Variants in DPP6 observed in about 807,000 individuals in gnomAD.
DPP6 encodes dipeptidyl peptidase like 6.
Under a neutral mutation model 122.6 loss-of-function variants are expected in DPP6, and 69 were observed. The ratio of observed to expected loss-of-function variants is 0.56; its 90% CI spans 0.46 to 0.69. The LOEUF is 0.69. Among genes scored for constraint, DPP6 ranks in the 30% least tolerant of loss-of-function variants. The probability of loss-of-function intolerance (pLI) is 0.00; values close to 1 mark genes in which losing one functional copy is unlikely to be tolerated. For missense variants in DPP6, 928 were observed against 1,116.9 expected (o/e 0.83, Z 2.41); for synonymous variants, 418 against 433.1 (o/e 0.97, Z 0.43).
chr7:154,146,259 CTT>C (rs1408245164), intron 1 of DPP6, among the ~76,000 whole-genome samples: 1 of 102,446 alleles, frequency 9.8e-6, no homozygotes, highest in Admixed American at 9.8e-5. Context: ...GTTCTCCTGA[CTT>C]TGTGTCTCTG....
intron 1 of DPP6, among the ~76,000 whole-genome samples, chr7:154,375,110 G>A (rs1010493669): frequency 2.0e-5 from 3 of 152,030 alleles, no homozygotes; most frequent in Non-Finnish European, 4.4e-5. Flanking sequence ...CGTGAGTCCC[G>A]GGGAAGAGAG....
intron 8 of DPP6, among the ~76,000 whole-genome samples, chr7:154,763,708 C>A (rs1025400081): frequency 1.3e-5 from 2 of 152,198 alleles, no homozygotes; most frequent in African/African-American, 2.4e-5. Flanking sequence ...AGAGAAACAG[C>A]AGCAAGTTCA....
intron 3 of DPP6, among the ~76,000 whole-genome samples, chr7:154,520,507 A>G (rs540967888): frequency 6.6e-5 from 10 of 152,370 alleles, no homozygotes; most frequent in Non-Finnish European, 1.3e-4. Context: ...TTTTGGACCA[A>G]GCTCTTTCCA....
chr7:154,490,126 G>C (rs1404096888), intron 3 of DPP6, among the ~76,000 whole-genome samples: 1 of 152,246 alleles, frequency 6.6e-6, no homozygotes, highest in African/African-American at 2.4e-5. Flanking sequence ...ATAGGTGACA[G>C]AGCTAGTCTT....
chr7:154,286,217 A>G (rs560228388), intron 1 of DPP6, among the ~76,000 whole-genome samples: 1 of 152,190 alleles, frequency 6.6e-6, no homozygotes, highest in African/African-American at 2.4e-5. Context: ...TCCAGAGCTG[A>G]GGAAAAGAAA....
At chr7:154,831,858 G>A (rs1800656196) in intron 16 of DPP6, among the ~76,000 whole-genome samples, 1 of 152,176 alleles carries the variant, frequency 6.6e-6, no homozygotes, top group African/African-American at 2.4e-5. Flanking sequence ...GTCAGTTAGA[G>A]CACCAGTAGG....
At chr7:154,700,193 G>A (rs982749474) in intron 7 of DPP6, among the ~76,000 whole-genome samples, 1 of 152,190 alleles carries the variant, frequency 6.6e-6, no homozygotes, top group Non-Finnish European at 1.5e-5. Flanking sequence ...AACAAAGAGT[G>A]GTTACTATTT....
chr7:153,945,165 CTG>C (rs771563293), intron 1 of DPP6, among the ~76,000 whole-genome samples: 2 of 152,176 alleles, frequency 1.3e-5, no homozygotes, highest in Non-Finnish European at 2.9e-5. Context: ...AACTGCTGCT[CTG>C]TGTGTTCTTT....
At chr7:154,748,745 G>A (rs114700776) in intron 8 of DPP6, among the ~76,000 whole-genome samples, 1 of 152,214 alleles carries the variant, frequency 6.6e-6, no homozygotes, top group African/African-American at 2.4e-5. Flanking sequence ...TTTTGCTCAC[G>A]GTGTCCAGCA....
chr7:154,102,519 T>C (rs966333897), intron 1 of DPP6, among the ~76,000 whole-genome samples: 1 of 152,134 alleles, frequency 6.6e-6, no homozygotes, highest in Admixed American at 6.5e-5. Flanking sequence ...TGGGGACCCC[T>C]CATTCAGCCA....
chr7:154,373,769 A>T lies in DPP6; in HGVS notation c.244-72445A>T, dbSNP rs117019893. Among the ~76,000 whole-genome samples, 150 of 152,220 alleles carry T rather than the reference A, an allele frequency of 9.9e-4. 2 individuals are homozygous for T. The East Asian group carries it at 0.022, about 22-fold the overall frequency. On this transcript the variant is annotated intron_variant, in intron 1 of 25. Transcript: ENST00000377770. ...CTTATCCCGAACGGAAACTGCGCTA[A>T]TTCAACACGCGCTCCCCATTCCCTC...
At chr7:154,669,559 T>C in intron 7 of DPP6, 118 bp downstream of exon 7, 1 of 1,412,322 alleles carries the variant, frequency 7.1e-7, no homozygotes, top group Non-Finnish European at 9.4e-7. Flanking sequence ...TGTGTGTGTG[T>C]GTGTGTGTAA....
At position 154,321,372 on chromosome 7, in the gene DPP6, G is replaced by A. The variant is rs184951948; in HGVS notation, c.244-124842G>A. Among the ~76,000 whole-genome samples, 602 of 152,226 alleles carry A rather than the reference G, an allele frequency of 4.0e-3. 3 individuals carry two copies. The highest frequency in any genetic ancestry group is 6.4e-3 in the Non-Finnish European group (437 of 68,020). ...TTAAGATGAACACTGGGTCTGGGGT[G>A]CAGGGGTGCCACAGCTGGAGTTGAA... On this transcript the variant is annotated intron_variant, in intron 1 of 25. Transcript: ENST00000377770.
At chr7:154,711,955 C>CACAACACACACAG (rs1841215935) in intron 7 of DPP6, among the ~76,000 whole-genome samples, 1 of 149,454 alleles carries the variant, frequency 6.7e-6, no homozygotes, top group Admixed American at 6.7e-5. Flanking sequence ...CACACACACA[C>CACAACACACACAG]ACACACACAC....
At position 154,071,758 on chromosome 7, in the gene DPP6, A is replaced by G. The variant is rs1469734678; in HGVS notation, c.243+18695A>G. Among the ~76,000 whole-genome samples the G allele has an allele frequency of 5.3e-5, 8 of 152,310 alleles. No individual in the cohort carries two copies. The East Asian group carries it at 1.5e-3, about 29-fold the overall frequency. Reference sequence around the variant, plus strand: ...CCCGTATTTTATACTAAGCCTTCACATAAGTTATGTTCTAGGATGTCTTCA... The same window carrying G: ...CCCGTATTTTATACTAAGCCTTCACGTAAGTTATGTTCTAGGATGTCTTCA... On this transcript the variant is annotated intron_variant, in intron 1 of 25. Transcript: ENST00000377770.
intron 7 of DPP6, among the ~76,000 whole-genome samples, chr7:154,694,907 A>G (rs929417727): frequency 1.3e-5 from 2 of 152,132 alleles, no homozygotes; most frequent in Non-Finnish European, 2.9e-5. Context: ...ACACACACAC[A>G]TGCACACACA....
At position 154,821,299 on chromosome 7, in the gene DPP6, G is replaced by A. The variant is rs534018206; in HGVS notation, c.1666+14187G>A. Among the ~76,000 whole-genome samples the A allele has an allele frequency of 9.2e-5, 14 of 151,920 alleles. No individual in the cohort carries two copies. The highest frequency in any genetic ancestry group is 3.4e-4 in the African/African-American group (14 of 41,438). ...TTCTTTTTTCTTTTTACATTGTTCT[G>A]ATAGCCTCACTTACTCATTTTAAGC... On this transcript the variant is annotated intron_variant, in intron 16 of 25. Coordinates refer to ENST00000377770, the MANE Select transcript of DPP6 (RefSeq NM_130797.4). This position sits in a 1 kb window ranked among gnomAD's most constrained non-coding sequence, Gnocchi z 4.2.
At chr7:154,766,593 C>G (rs1795912994) in intron 8 of DPP6, among the ~76,000 whole-genome samples, 1 of 152,234 alleles carries the variant, frequency 6.6e-6, no homozygotes, top group Non-Finnish European at 1.5e-5. Flanking sequence ...AGGCGTGTCT[C>G]TAAGTTTCCT....
intron 1 of DPP6, among the ~76,000 whole-genome samples, chr7:154,119,240 C>T (rs1295922828): frequency 6.6e-6 from 1 of 152,188 alleles, no homozygotes; most frequent in East Asian, 1.9e-4. Flanking sequence ...CCATTATGCT[C>T]TGGAGGTTTT....
Sources: gnomAD v4.1 joint callset for allele counts (sites outside exome capture counted in the v4.1 genomes callset) on GRCh38, gnomAD v4.1.1 for gene constraint, Gnocchi (gnomAD v3.1) non-coding constraint, MANE v1.5 for transcripts, NCBI Gene and HGNC (gene_info 2026-07-23, HGNC 2026-07-21) for gene names.